AGAP1: variants seen among roughly 807,000 people sequenced by gnomAD.
AGAP1 encodes arf-GAP with GTPase, ANK repeat and PH domain-containing protein 1.
Under a neutral mutation model 105.3 loss-of-function variants are expected in AGAP1, and 29 were observed. That is an observed-to-expected ratio of 0.28 (90% CI 0.21 to 0.38). AGAP1 has a LOEUF of 0.38. AGAP1 is among the 10% of genes least tolerant of loss of function. AGAP1 has a pLI of 1.00. For synonymous variants in AGAP1, 509 were observed against 485.9 expected, an observed-to-expected ratio of 1.05 and a Z score of -0.63; for missense variants, 998 against 1,165.1, an observed-to-expected ratio of 0.86 and a Z score of 2.09.
At chr2:235,742,176 G>A (rs190529009) in intron 4 of AGAP1, among the ~76,000 whole-genome samples, 156 of 152,264 alleles carry the variant, frequency 1.0e-3, no homozygotes, top group Non-Finnish European at 2.0e-3. Flanking sequence ...GGGCAGCATA[G>A]GATTGTAAGA....
intron 12 of AGAP1, among the ~76,000 whole-genome samples, chr2:235,955,308 G>A (rs1038329498): frequency 5.9e-5 from 9 of 152,124 alleles, no homozygotes; most frequent in African/African-American, 1.7e-4. Context: ...CCATCAGCAC[G>A]TGGGCAGGGT....
In AGAP1 at chr2:236,046,129, G is replaced by T; in HGVS notation, c.1892-2930G>T. The T allele has an allele frequency of 2.3e-6, 1 of 429,326 alleles. No homozygotes were observed. The allele number at this position is 429,326 out of a possible 1,614,324, so 26.6% of individuals were successfully genotyped here. A position where few individuals can be genotyped will look rare whatever the true frequency, so the allele number is the denominator to read the frequency against. ...CATGGAGGGCGGTGGGGTGGGCATA[G>T]GAACCAAATCGGAGGTTCTGGTAAG... On this transcript the variant is annotated intron_variant, in intron 15 of 17. Transcript: ENST00000304032. The surrounding 1 kb of genome is among the most constrained non-coding windows in gnomAD (Gnocchi z 5.2).
chr2:235,591,779 A>T (rs13030264), intron 1 of AGAP1, among the ~76,000 whole-genome samples: 1 of 151,440 alleles, frequency 6.6e-6, no homozygotes, highest in Non-Finnish European at 1.5e-5. Context: ...TTTTGTTTTT[A>T]ATTTTCCTTT....
At chr2:236,021,867 TG>T (rs2125602662) in intron 13 of AGAP1, among the ~76,000 whole-genome samples, 1 of 152,124 alleles carries the variant, frequency 6.6e-6, no homozygotes, top group East Asian at 1.9e-4. Flanking sequence ...GAGACCAGCC[TG>T]GGCAATATGG....
At chr2:235,768,425 T>A (rs1021484965) in intron 6 of AGAP1, among the ~76,000 whole-genome samples, 2 of 152,210 alleles carry the variant, frequency 1.3e-5, no homozygotes, top group Admixed American at 6.5e-5. Context: ...TTTTACTACT[T>A]TCAGTATATA....
intron 1 of AGAP1, among the ~76,000 whole-genome samples, chr2:235,628,805 A>G (rs1382783062): frequency 6.6e-6 from 1 of 151,120 alleles, no homozygotes; most frequent in African/African-American, 2.4e-5. Flanking sequence ...CCCGAAGTCC[A>G]TGTATCATTC....
chr2:235,929,157 A>G (rs1249570312), intron 11 of AGAP1, among the ~76,000 whole-genome samples: 1 of 152,210 alleles, frequency 6.6e-6, no homozygotes, highest in Non-Finnish European at 1.5e-5. Context: ...AGCCCCTTGG[A>G]TGCCAGTGGT....
chr2:235,995,142 T>A (rs528845666), intron 13 of AGAP1, among the ~76,000 whole-genome samples: 10 of 148,152 alleles, frequency 6.7e-5, no homozygotes, highest in Admixed American at 3.4e-4. Flanking sequence ...GTAGTAAATA[T>A]GTTATTTGGA....
chr2:235,998,783 G>C (rs968932723), intron 13 of AGAP1, among the ~76,000 whole-genome samples: 5 of 141,902 alleles, frequency 3.5e-5, no homozygotes, highest in African/African-American at 1.3e-4. Flanking sequence ...GTTATGAAGG[G>C]GGTTGTGACA....
At chr2:235,654,454 AG>A (rs1947708639) in intron 1 of AGAP1, among the ~76,000 whole-genome samples, 1 of 152,252 alleles carries the variant, frequency 6.6e-6, no homozygotes, top group African/African-American at 2.4e-5. Flanking sequence ...TGGCTTCAGA[AG>A]GGGCACAATA....
Position 235,664,205 on chromosome 2 carries a change from GTTTGTTTT to G in AGAP1, c.164-44962_164-44955del, listed in dbSNP as rs1176887956. 6.6e-6 allele frequency among the ~76,000 whole-genome samples: 1 copy of G among 151,656 alleles called. No homozygotes were observed. The highest frequency in any genetic ancestry group is 2.4e-5 in the African/African-American group (1 of 41,180). On this transcript the variant is annotated intron_variant, in intron 1 of 17. Coordinates refer to ENST00000304032, the MANE Select transcript of AGAP1 (RefSeq NM_001037131.3). This position sits in a 1 kb window ranked among gnomAD's most constrained non-coding sequence, Gnocchi z 5.7. ...TTAATAGATTGGATTTTAATATATAGTTTGTTTTTTTGTTTTTTTTTTCGAGACGGAGT... is the reference window on the plus strand; with the variant it reads ...TTAATAGATTGGATTTTAATATATAGTTTGTTTTTTTTTTCGAGACGGAGT...
At chr2:235,684,453 C>T (rs1949271639) in intron 1 of AGAP1, among the ~76,000 whole-genome samples, 1 of 152,172 alleles carries the variant, frequency 6.6e-6, no homozygotes, top group African/African-American at 2.4e-5. Flanking sequence ...CCAGAATGTC[C>T]CATTTACACA....
At chr2:235,790,941 A>G (rs916964778) in intron 6 of AGAP1, among the ~76,000 whole-genome samples, 1 of 152,218 alleles carries the variant, frequency 6.6e-6, no homozygotes, top group African/African-American at 2.4e-5. Flanking sequence ...AGGCTATGCC[A>G]TGGGTCCCAT....
chr2:235,916,018 G>C (rs1376658460), intron 11 of AGAP1, among the ~76,000 whole-genome samples: 1 of 152,102 alleles, frequency 6.6e-6, no homozygotes, highest in African/African-American at 2.4e-5. Flanking sequence ...TCCCTCCTAA[G>C]GACAAATAAT....
At chr2:235,497,356 A>G (rs1387162018) in intron 1 of AGAP1, among the ~76,000 whole-genome samples, 1 of 152,240 alleles carries the variant, frequency 6.6e-6, no homozygotes, top group African/African-American at 2.4e-5. Flanking sequence ...GGCTCCCTGC[A>G]GGGGCAGAGA....
At position 235,970,268 on chromosome 2, in the gene AGAP1, A is replaced by G. The variant is rs1174893488; in HGVS notation, c.1645+1645A>G. On this transcript the variant is annotated intron_variant, in intron 13 of 17. Coordinates refer to ENST00000304032, the MANE Select transcript of AGAP1 (RefSeq NM_001037131.3). This position sits in a 1 kb window ranked among gnomAD's most constrained non-coding sequence, Gnocchi z 5.4. ...TGTTGTGGGGAGTGAGGATAATCCC[A>G]TTAAGTCAGCGATGGTGGAAAATAA... Among the ~76,000 whole-genome samples the G allele has an allele frequency of 1.3e-5, 2 of 151,468 alleles. No individual in the cohort carries two copies. The highest frequency in any genetic ancestry group is 2.9e-5 in the Non-Finnish European group (2 of 67,960).
At chr2:236,079,370 TAAAA>T (rs3030747) in intron 16 of AGAP1, among the ~76,000 whole-genome samples, 30 of 127,522 alleles carry the variant, frequency 2.4e-4, no homozygotes, top group Non-Finnish European at 4.7e-4. Context: ...AAAGAAAATT[TAAAA>T]AAAAAAAAAA....
At position 236,089,390 on chromosome 2, in the gene AGAP1, CA is replaced by C. The variant is rs1439644590; in HGVS notation, c.2115-30801del. ...TCTCCCAGTTGCAAAGATGCCATCC[CA>C]GGTCAAGCTGAGGTCCTTGCAAATG... On this transcript the variant is annotated intron_variant, in intron 16 of 17. Transcript: ENST00000304032. This position sits in a 1 kb window ranked among gnomAD's most constrained non-coding sequence, Gnocchi z 5.6. Among the ~76,000 whole-genome samples the C allele has an allele frequency of 1.3e-5, 2 of 152,214 alleles. No homozygotes were observed. The highest frequency in any genetic ancestry group is 4.8e-5 in the African/African-American group (2 of 41,452).
intron 1 of AGAP1, among the ~76,000 whole-genome samples, chr2:235,542,006 C>G (rs1157633400): frequency 1.3e-5 from 2 of 152,180 alleles, no homozygotes; most frequent in Admixed American, 6.5e-5. Context: ...TCTGCCCACA[C>G]TGGATATTAT....
Sources: allele counts gnomAD v4.1 joint callset (sites outside exome capture counted in the v4.1 genomes callset), GRCh38; gene constraint gnomAD v4.1.1; non-coding constraint Gnocchi (gnomAD v3.1); transcripts MANE v1.5; gene names NCBI Gene and HGNC (gene_info 2026-07-23, HGNC 2026-07-21).